Variants in BCL2 observed in about 807,000 individuals in gnomAD.
BCL2 encodes apoptosis regulator Bcl-2.
Under a neutral mutation model 14.2 loss-of-function variants are expected in BCL2, and 1 was observed. The observed-to-expected ratio is 0.07, with a 90% CI of 0.02 to 0.33. BCL2 has a LOEUF of 0.33. Among genes scored for constraint, BCL2 ranks in the 10% least tolerant of loss-of-function variants. BCL2 has a pLI of 0.99. For synonymous variants in BCL2, 151 were observed against 137.2 expected (o/e 1.10, Z -0.70); for missense variants, 247 against 305.9 (o/e 0.81, Z 1.44).
chr18:63,283,614 T>A (rs1912376997), intron 2 of BCL2, among the ~76,000 whole-genome samples: 1 of 152,240 alleles, frequency 6.6e-6, no homozygotes, highest in Non-Finnish European at 1.5e-5. Flanking sequence ...AATGATCTTC[T>A]GCTCATGGGA....
intron 2 of BCL2, among the ~76,000 whole-genome samples, chr18:63,139,043 C>T (rs570456878): frequency 2.6e-5 from 4 of 152,312 alleles, no homozygotes; most frequent in Admixed American, 1.3e-4. Flanking sequence ...AGACTTCAGC[C>T]GGAGCTGGCT....
chr18:63,220,504 A>C (rs952514260), intron 2 of BCL2, among the ~76,000 whole-genome samples: 4 of 152,118 alleles, frequency 2.6e-5, no homozygotes, highest in African/African-American at 9.7e-5. Flanking sequence ...CTGACACCAA[A>C]CTCAGGCTCT....
rs150757143 is a variant in BCL2 at position 63,151,718 on chromosome 18, C to T, written c.586-22959G>A. Reference sequence around the variant, plus strand: ...AGTCATGTTGGTACATGCTAGTTTCCGTGGCAGCCTAAGATAAAGCTCTTA... The same window carrying T: ...AGTCATGTTGGTACATGCTAGTTTCTGTGGCAGCCTAAGATAAAGCTCTTA... On this transcript the variant is annotated intron_variant, in intron 2 of 2. Transcript: ENST00000333681. 1.6e-3 allele frequency among the ~76,000 whole-genome samples: 242 copies of T among 152,298 alleles called. 1 individual carries two copies. Among genetic ancestry groups the T allele is most frequent in the African/African-American group, 5.4e-3 (224 of 41,562 alleles).
chr18:63,192,918 T>C (rs1909326191), intron 2 of BCL2, among the ~76,000 whole-genome samples: 1 of 152,266 alleles, frequency 6.6e-6, no homozygotes, highest in Non-Finnish European at 1.5e-5. Context: ...AAATTCTGAA[T>C]GCGTTTCATC....
Position 63,239,676 on chromosome 18 carries a change from G to T in BCL2, c.585+78406C>A, listed in dbSNP as rs142214798. On this transcript the variant is annotated intron_variant, in intron 2 of 2. Transcript: ENST00000333681. ...AATTGCTTGAACCCGAGAGGTGGAG[G>T]TTGCAGTGAGCTGAGATCGCGCCAC... Among the ~76,000 whole-genome samples the T allele has an allele frequency of 2.2e-3, 333 of 152,080 alleles. 1 individual carries two copies. The highest frequency in any genetic ancestry group is 7.3e-3 in the African/African-American group (304 of 41,476).
Position 63,318,919 on chromosome 18 carries a change from G to C in BCL2, c.-253C>G. ...TCATGAGGCACGTTATTATTAGTAA[G>C]TATTGTTAATATCAGTCTACTTCCT... is the stretch of plus-strand genomic sequence containing the variant. On this transcript the variant is annotated 5_prime_UTR_variant, in exon 2 of 3. Transcript: ENST00000333681. This position sits in a 1 kb window ranked among gnomAD's most constrained non-coding sequence, Gnocchi z 7.4. 2.9e-6 allele frequency: 4 copies of C among 1,392,610 alleles called. No individual in the cohort carries two copies. The highest frequency in any genetic ancestry group is 3.2e-5 in the South Asian group (2 of 63,110). The allele number at this position is 1,392,610 out of a possible 1,614,324, so 86.3% of individuals were successfully genotyped here.
chr18:63,305,292 C>T (rs562846487), intron 2 of BCL2, among the ~76,000 whole-genome samples: 37 of 152,226 alleles, frequency 2.4e-4, no homozygotes, highest in Non-Finnish European at 5.0e-4. Context: ...CTCTACTAAG[C>T]AATCTTGTGT....
At position 63,188,412 on chromosome 18, in the gene BCL2, T is replaced by A. The variant is rs1915642694; in HGVS notation, c.586-59653A>T. On this transcript the variant is annotated intron_variant, in intron 2 of 2. Coordinates refer to ENST00000333681, the MANE Select transcript of BCL2 (RefSeq NM_000633.3). ...AATATAAGTACAAGTGTTTAGCACA[T>A]CATAGGGGTTCAATAAGGGATGACT... Among the ~76,000 whole-genome samples, 4 of 152,184 alleles carry A rather than the reference T, an allele frequency of 2.6e-5. No homozygotes were observed. In the South Asian group the frequency reaches 8.3e-4, roughly 32 times the overall value.
intron 2 of BCL2, among the ~76,000 whole-genome samples, chr18:63,214,468 C>T (rs901296532): frequency 1.3e-5 from 2 of 152,196 alleles, no homozygotes; most frequent in African/African-American, 4.8e-5. Flanking sequence ...TCAGGTCTCA[C>T]CCTGACATCC....
At chr18:63,146,256 G>A (rs761136327) in intron 2 of BCL2, among the ~76,000 whole-genome samples, 1 of 152,176 alleles carries the variant, frequency 6.6e-6, no homozygotes, top group Non-Finnish European at 1.5e-5. Flanking sequence ...ATTAAGTGTT[G>A]GCCGAGTGAA....
At position 63,149,706 on chromosome 18, in the gene BCL2, G is replaced by A. The variant is rs1036063502; in HGVS notation, c.586-20947C>T. Among the ~76,000 whole-genome samples, 8 of 152,170 alleles carry A rather than the reference G, an allele frequency of 5.3e-5. No homozygotes were observed. The highest frequency in any genetic ancestry group is 3.9e-4 in the East Asian group (2 of 5,188). ...AAATAACACTGTTATGACAGTGACC[G>A]GCAGATGATTAACAGTGAAGAAGAG... On this transcript the variant is annotated intron_variant, in intron 2 of 2. Transcript: ENST00000333681. The surrounding 1 kb of genome is among the most constrained non-coding windows in gnomAD (Gnocchi z 4.2).
chr18:63,211,728 T>A (rs868142265), intron 2 of BCL2, among the ~76,000 whole-genome samples: 1 of 152,182 alleles, frequency 6.6e-6, no homozygotes, highest in East Asian at 1.9e-4. Context: ...GCAAATACCA[T>A]TGGACTTGGC....
intron 2 of BCL2, among the ~76,000 whole-genome samples, chr18:63,290,360 G>A (rs748094038): frequency 2.6e-5 from 4 of 151,840 alleles, no homozygotes; most frequent in Non-Finnish European, 2.9e-5. Context: ...GGATGAAAAA[G>A]GTCCCGCACA....
At chr18:63,213,802 C>T (rs1910120984) in intron 2 of BCL2, among the ~76,000 whole-genome samples, 1 of 152,128 alleles carries the variant, frequency 6.6e-6, no homozygotes, top group Non-Finnish European at 1.5e-5. Context: ...ACTTGACATT[C>T]TTTCTCAGAG....
At position 63,200,871 on chromosome 18, in the gene BCL2, C is replaced by T. The variant is rs145012667; in HGVS notation, c.586-72112G>A. Among the ~76,000 whole-genome samples, 32 of 152,312 alleles carry T rather than the reference C, an allele frequency of 2.1e-4. No homozygotes were observed. The East Asian group carries it at 3.7e-3, about 17-fold the overall frequency. On this transcript the variant is annotated intron_variant, in intron 2 of 2. Transcript: ENST00000333681. The stretch of plus-strand genomic sequence containing the variant: ...CTCCTGGGCTCAAGTGATCCTCCCA[C>T]CTCAGCCTTCCAAAGTGCTGAGATA...
chr18:63,162,945 C>T (rs1914959653), intron 2 of BCL2, among the ~76,000 whole-genome samples: 2 of 152,128 alleles, frequency 1.3e-5, no homozygotes, highest in Admixed American at 6.5e-5. Flanking sequence ...GCCTTGAATT[C>T]CCAGGATCAA....
intron 2 of BCL2, among the ~76,000 whole-genome samples, chr18:63,245,118 G>A (rs888371052): frequency 3.9e-5 from 6 of 152,146 alleles, no homozygotes; most frequent in African/African-American, 1.2e-4. Context: ...GGTCATCTTC[G>A]AGAAATGTGC....
At position 63,129,066 on chromosome 18, in the gene BCL2, A is replaced by C. The variant is rs546300529; in HGVS notation, c.586-307T>G. On this transcript the variant is annotated intron_variant, in intron 2 of 2. Transcript: ENST00000333681. Reference sequence around the variant, plus strand: ...AGTGGAACAGTATAGACAGCAATCAATATAAATTATCACATGGTGTAGGAG... The same window carrying C: ...AGTGGAACAGTATAGACAGCAATCACTATAAATTATCACATGGTGTAGGAG... 6.6e-5 allele frequency among the ~76,000 whole-genome samples: 10 copies of C among 152,344 alleles called. No individual in the cohort carries two copies. In the East Asian group the frequency reaches 1.9e-3, roughly 29 times the overall value.
Position 63,169,597 on chromosome 18 carries a change from A to G in BCL2, c.586-40838T>C, listed in dbSNP as rs1228001930. 4.7e-4 allele frequency among the ~76,000 whole-genome samples: 69 copies of G among 148,132 alleles called. 1 individual carries two copies. In the Admixed American group the frequency reaches 4.8e-3, roughly 10 times the overall value. Reference sequence around the variant, plus strand: ...GAGTGCAGTGGCATGATCTTGGCTCACTGCAACCTCCACCTCCTGGGTTCA... The same window carrying G: ...GAGTGCAGTGGCATGATCTTGGCTCGCTGCAACCTCCACCTCCTGGGTTCA... On this transcript the variant is annotated intron_variant, in intron 2 of 2. Transcript: ENST00000333681.
Sources: allele counts gnomAD v4.1 joint callset (sites outside exome capture counted in the v4.1 genomes callset), GRCh38; gene constraint gnomAD v4.1.1; non-coding constraint Gnocchi (gnomAD v3.1); transcripts MANE v1.5; gene names NCBI Gene and HGNC (gene_info 2026-07-23, HGNC 2026-07-21).